CEP350: variants seen among roughly 807,000 people sequenced by gnomAD.
CEP350 encodes the protein centrosome-associated protein 350.
Under a neutral mutation model 331.8 loss-of-function variants are expected in CEP350, and 126 were observed. That is an observed-to-expected ratio of 0.38 (90% confidence interval 0.33 to 0.44). The LOEUF (loss-of-function observed/expected upper bound fraction) is 0.44. CEP350 is among the 20% of genes least tolerant of loss of function. The probability of loss-of-function intolerance (pLI) is 1.00; values close to 1 mark genes in which losing one functional copy is unlikely to be tolerated. For synonymous variants in CEP350, 1,200 were observed against 1,259.5 expected, an observed-to-expected ratio of 0.95 and a Z score of 1.00; for missense variants, 3,406 against 3,634.6, an observed-to-expected ratio of 0.94 and a Z score of 1.62.
intron 37 of CEP350, 80 bp downstream of exon 37, chr1:180,099,065 G>A (rs1660648390): frequency 1.5e-6 from 2 of 1,362,428 alleles, no homozygotes; most frequent in South Asian, 1.6e-5. Context: ...AAAAGGAAAA[G>A]GGATAGACTT....
chr1:179,978,567 C>T lies in CEP350; in HGVS notation c.-13-7602C>T, dbSNP rs769625575. ...AACCCCCCTCCCAGCCCCTACTAAC[C>T]TCTGTTCTACTTTTCTATGAGAAGA... On this transcript the variant is annotated intron_variant, in intron 1 of 37. Coordinates refer to ENST00000367607, the MANE Select transcript of CEP350 (RefSeq NM_014810.5). 1.4e-4 allele frequency among the ~76,000 whole-genome samples: 22 copies of T among 152,182 alleles called. 1 individual carries two copies. The highest frequency in any genetic ancestry group is 6.8e-3 in the Middle Eastern group (2 of 294).
At chr1:179,985,054 G>C (rs879464263) in intron 1 of CEP350, among the ~76,000 whole-genome samples, 3 of 152,004 alleles carry the variant, frequency 2.0e-5, no homozygotes, top group Non-Finnish European at 4.4e-5. Flanking sequence ...CAGTTCAGTG[G>C]TGTTAAGTAC....
chr1:180,079,576 G>C (rs1285008850), intron 29 of CEP350, among the ~76,000 whole-genome samples: 1 of 151,588 alleles, frequency 6.6e-6, no homozygotes, highest in Non-Finnish European at 1.5e-5. Context: ...GTTATTAAAG[G>C]CTTTTAATAA....
rs1385981536 is a variant in CEP350, at chr1:179,991,707, G to GTGTGTATA, written c.236-354_236-353insGTGTATAT. Among the ~76,000 whole-genome samples the GTGTGTATA allele has an allele frequency of 9.4e-3, 908 of 96,912 alleles. 6 individuals carry two copies. Among genetic ancestry groups the GTGTGTATA allele is most frequent in the Non-Finnish European group, 0.012 (594 of 49,542 alleles). 63.6% of individuals were successfully genotyped at this position (96,912 alleles called of 152,430 possible). A position where few individuals can be genotyped will look rare whatever the true frequency, so the allele number is the denominator to read the frequency against. The stretch of plus-strand genomic sequence containing the variant: ...TGTGTGTGTGTGTGTGTGTGTGTGT[G>GTGTGTATA]TATATATATATATATATACATTTTT... On this transcript the variant is annotated intron_variant, in intron 4 of 37. Coordinates refer to ENST00000367607, the MANE Select transcript of CEP350 (RefSeq NM_014810.5).
At chr1:179,967,538 A>G (rs1651107697) in intron 1 of CEP350, among the ~76,000 whole-genome samples, 1 of 152,046 alleles carries the variant, frequency 6.6e-6, no homozygotes, top group South Asian at 2.1e-4. Context: ...TAGCCTCCCA[A>G]GTAGCTGGGA....
rs920289323 is a variant in CEP350, at chr1:180,108,109, A to G, written c.9190-2888A>G. Among the ~76,000 whole-genome samples the G allele has an allele frequency of 1.2e-4, 19 of 152,186 alleles. 1 individual carries two copies. The highest frequency in any genetic ancestry group is 1.1e-3 in the Admixed American group (17 of 15,284). On this transcript the variant is annotated intron_variant, in intron 37 of 37. Transcript: ENST00000367607. Reference sequence around the variant, plus strand: ...AGGCCAAAGAGAAATGGAAAAGTTCATGTTCTTACTGACTGACAGAGAAAT... The same window carrying G: ...AGGCCAAAGAGAAATGGAAAAGTTCGTGTTCTTACTGACTGACAGAGAAAT...
rs201932318 is a variant in CEP350 at position 180,062,374 on chromosome 1, A to G, written c.5409+8A>G. The G allele has an allele frequency of 3.2e-6, 5 of 1,583,448 alleles. No homozygotes were observed. The highest frequency in any genetic ancestry group is 1.7e-4 in the Middle Eastern group (1 of 5,976). On this transcript the variant is annotated splice_region_variant and intron_variant, in intron 26 of 37. Transcript: ENST00000367607. ...GCAGGGGAGAGTAAATTGGTAAACTACATGAAGTTATTATTTGTTTCCTGT... is the reference window on the plus strand; with the variant it reads ...GCAGGGGAGAGTAAATTGGTAAACTGCATGAAGTTATTATTTGTTTCCTGT...
intron 1 of CEP350, among the ~76,000 whole-genome samples, chr1:179,959,767 A>G (rs941355871): frequency 3.9e-5 from 6 of 152,176 alleles, no homozygotes; most frequent in African/African-American, 1.4e-4. Context: ...ACAGACAAAC[A>G]AACAAAAAAA....
rs569881781 is a variant in CEP350 at position 180,113,029 on chromosome 1, C to T, written c.*1868C>T. The T allele has an allele frequency of 2.6e-5, 4 of 152,540 alleles. No homozygotes were observed. The highest frequency in any genetic ancestry group is 5.9e-5 in the Non-Finnish European group (4 of 68,030). 9.4% of individuals were successfully genotyped at this position (152,540 alleles called of 1,614,324 possible). ...TGGGCTTGTGATGTTGAGCTGTAGTCTTGTAGCCATAATGAGCAAATTGAC... is the reference window on the plus strand; with the variant it reads ...TGGGCTTGTGATGTTGAGCTGTAGTTTTGTAGCCATAATGAGCAAATTGAC... On this transcript the variant is annotated 3_prime_UTR_variant, in exon 38 of 38. Transcript: ENST00000367607.
Position 180,014,497 on chromosome 1 carries a change from G to A in CEP350, c.2044G>A (p.Glu682Lys), listed in dbSNP as rs371941267. The A allele has an allele frequency of 2.5e-6, 4 of 1,601,462 alleles. No individual in the cohort carries two copies. Among genetic ancestry groups the A allele is most frequent in the East Asian group, 4.5e-5 (2 of 44,804 alleles). ...GCCATCTCATCAACATGTTACGCAG[G>A]AAACACAGGTAATAGTAGTGACATA... ...EEPSHQHVTQ[E>K]TQAKPGYQPS... Residue 682 changes from glutamate to lysine, a missense_variant, in exon 10 of 38, where the codon GAA becomes AAA. By Grantham distance (56) the Glu-to-Lys change is moderately conservative (BLOSUM62 1). Coordinates refer to ENST00000367607, the MANE Select transcript of CEP350 (RefSeq NM_014810.5).
At position 180,111,427 on chromosome 1, in the gene CEP350, A is replaced by G. The variant is rs941131751; in HGVS notation, c.*266A>G. 3 of 280,730 alleles carry G rather than the reference A, an allele frequency of 1.1e-5. No homozygotes were observed. The highest frequency in any genetic ancestry group is 2.2e-5 in the African/African-American group (1 of 45,984). 17.4% of individuals were successfully genotyped at this position (280,730 alleles called of 1,614,324 possible). A position where few individuals can be genotyped will look rare whatever the true frequency, so the allele number is the denominator to read the frequency against. On this transcript the variant is annotated 3_prime_UTR_variant, in exon 38 of 38. Transcript: ENST00000367607. The stretch of plus-strand genomic sequence containing the variant: ...TACACCTTTTGCTAACACCCCTACT[A>G]GGTCCCAGAGGGCCAGAAACACCTG...
intron 21 of CEP350, among the ~76,000 whole-genome samples, chr1:180,047,318 C>A (rs1371670149): frequency 1.3e-5 from 2 of 151,952 alleles, no homozygotes; most frequent in African/African-American, 4.8e-5. Context: ...TGAGGAATAG[C>A]CAAAATCAGA....
At chr1:180,084,300 T>C in intron 31 of CEP350, 122 bp downstream of exon 31, 1 of 886,928 alleles carries the variant, frequency 1.1e-6, no homozygotes, top group East Asian at 3.2e-5. Flanking sequence ...TGGTGCCACA[T>C]TTTATTCTCT....
chr1:180,024,963 C>T (rs1449751486), intron 14 of CEP350, among the ~76,000 whole-genome samples: 8 of 149,734 alleles, frequency 5.3e-5, no homozygotes, highest in South Asian at 2.1e-4. Flanking sequence ...CTCACTCTGT[C>T]GCCCAGGCTG....
chr1:179,999,261 A>G (rs995222840), intron 6 of CEP350, among the ~76,000 whole-genome samples: 3 of 152,168 alleles, frequency 2.0e-5, no homozygotes, highest in African/African-American at 7.2e-5. Context: ...TAAAAGTTAA[A>G]AACAATTTTA....
At position 180,027,648 on chromosome 1, in the gene CEP350, G is replaced by A. The variant is rs184976364; in HGVS notation, c.3550+3066G>A. Among the ~76,000 whole-genome samples the A allele has an allele frequency of 7.6e-3, 1,164 of 152,294 alleles. 8 individuals are homozygous for A. The highest frequency in any genetic ancestry group is 0.017 in the Middle Eastern group (5 of 294). ...AATCCACCTGTTTTAGCTTCCCAGA[G>A]TGCTGGGATTATAGGCGTGAGCCAC... On this transcript the variant is annotated intron_variant, in intron 14 of 37. Coordinates refer to ENST00000367607, the MANE Select transcript of CEP350 (RefSeq NM_014810.5).
intron 34 of CEP350, among the ~76,000 whole-genome samples, chr1:180,094,834 G>A (rs1660388965): frequency 6.6e-6 from 1 of 152,110 alleles, no homozygotes; most frequent in South Asian, 2.1e-4. Flanking sequence ...TATGTCATGA[G>A]TAGTCAATAT....
rs1477692877 is a variant in CEP350 at position 180,037,108 on chromosome 1, A to C, written c.4110+19A>C. ...AATAAAGGTATTTTTGGAGTTTTTT[A>C]GCTTTCTGTGGTTTTTCTTTTTTCT... On this transcript the variant is annotated intron_variant, in intron 17 of 37. Transcript: ENST00000367607. 2 of 1,544,236 alleles carry C rather than the reference A, an allele frequency of 1.3e-6. No homozygotes were observed. Among genetic ancestry groups the C allele is most frequent in the African/African-American group, 2.8e-5 (2 of 72,022 alleles).
chr1:180,040,359 C>T (rs1656678598), intron 17 of CEP350, among the ~76,000 whole-genome samples: 1 of 152,126 alleles, frequency 6.6e-6, no homozygotes, highest in Admixed American at 6.5e-5. Flanking sequence ...TTTAGAAATA[C>T]ATTATAATTC....
Sources: allele counts gnomAD v4.1 joint callset (sites outside exome capture counted in the v4.1 genomes callset), GRCh38; gene constraint gnomAD v4.1.1; transcripts MANE v1.5; gene names NCBI Gene and HGNC (gene_info 2026-07-23, HGNC 2026-07-21).